The following CDH18 variants were observed in gnomAD, a reference collection of about 807,000 sequenced individuals.
The protein encoded by CDH18 is cadherin-18.
Under a neutral mutation model 67.9 loss-of-function variants are expected in CDH18, and 31 were observed. That is an observed-to-expected ratio of 0.46 (90% CI 0.34 to 0.62). The LOEUF is 0.62. CDH18 is among the 20% of genes least tolerant of loss of function. CDH18 has a pLI of 0.01. For missense variants in CDH18, 890 were observed against 975.5 expected, an observed-to-expected ratio of 0.91 and a Z score of 1.17; for synonymous variants, 362 against 347.2, an observed-to-expected ratio of 1.04 and a Z score of -0.48.
chr5:19,959,262 T>G (rs1579806416), intron 2 of CDH18, among the ~76,000 whole-genome samples: 1 of 152,062 alleles, frequency 6.6e-6, no homozygotes, highest in South Asian at 2.1e-4. Context: ...TAACTGTAGG[T>G]GAGTGTGTGT....
At position 20,292,348 on chromosome 5, in the gene CDH18, C is replaced by T. The variant is rs796699159; in HGVS notation, c.-579-36843G>A. 7.2e-5 allele frequency among the ~76,000 whole-genome samples: 11 copies of T among 152,178 alleles called. No homozygotes were observed. The South Asian group carries it at 2.3e-3, about 32-fold the overall frequency. On this transcript the variant is annotated intron_variant, in intron 1 of 14. Coordinates refer to the CDH18 transcript ENST00000507958. Reference sequence around the variant, plus strand: ...AATTGGATTTGAGGATAGAGAGCTGCTGAAGTAGAGAAATAAAGGAGAGAA... The same window carrying T: ...AATTGGATTTGAGGATAGAGAGCTGTTGAAGTAGAGAAATAAAGGAGAGAA...
chr5:19,960,729 G>A (rs562383022), intron 2 of CDH18, among the ~76,000 whole-genome samples: 18 of 122,030 alleles, frequency 1.5e-4, no homozygotes, highest in Middle Eastern at 4.3e-3. Flanking sequence ...GTGTATATAC[G>A]TATATACGTA....
At chr5:20,167,121 A>G (rs546868483) in intron 2 of CDH18, among the ~76,000 whole-genome samples, 17 of 152,268 alleles carry the variant, frequency 1.1e-4, no homozygotes, top group African/African-American at 3.6e-4. Flanking sequence ...GGCAATCCAT[A>G]TTATATGATT....
intron 2 of CDH18, among the ~76,000 whole-genome samples, chr5:19,997,340 T>C (rs1316730923): frequency 6.6e-6 from 1 of 152,136 alleles, no homozygotes; most frequent in Non-Finnish European, 1.5e-5. Context: ...ACATATCATA[T>C]TTATGATATG....
intron 2 of CDH18, among the ~76,000 whole-genome samples, chr5:20,076,792 A>T (rs1453583375): frequency 6.6e-6 from 1 of 152,210 alleles, no homozygotes; most frequent in African/African-American, 2.4e-5. Context: ...AAAATGTAGG[A>T]TAAAAGTACT....
At chr5:20,506,335 T>A (rs948948689) in intron 1 of CDH18, among the ~76,000 whole-genome samples, 7 of 152,218 alleles carry the variant, frequency 4.6e-5, no homozygotes, top group Admixed American at 2.6e-4. Flanking sequence ...GTGATTAAGC[T>A]ACACAAAGTC....
chr5:19,819,060 T>C (rs1023820266), intron 3 of CDH18, among the ~76,000 whole-genome samples: 1 of 151,920 alleles, frequency 6.6e-6, no homozygotes, highest in African/African-American at 2.4e-5. Flanking sequence ...ATATAAGTAA[T>C]ACATGTATAT....
At chr5:19,662,268 A>T (rs1246660559) in intron 5 of CDH18, among the ~76,000 whole-genome samples, 2 of 151,934 alleles carry the variant, frequency 1.3e-5, no homozygotes, top group African/African-American at 4.8e-5. Flanking sequence ...CATCTTTAGA[A>T]TTTCTCTTGA....
intron 3 of CDH18, among the ~76,000 whole-genome samples, chr5:19,755,683 C>T (rs1771515600): frequency 6.6e-6 from 1 of 150,806 alleles, no homozygotes; most frequent in African/African-American, 2.4e-5. Context: ...CAACATCACA[C>T]AATAAGCTTT....
chr5:19,809,330 TAC>T (rs1343104756), intron 3 of CDH18, among the ~76,000 whole-genome samples: 1 of 152,108 alleles, frequency 6.6e-6, no homozygotes, highest in African/African-American at 2.4e-5. Context: ...ATTTGATTTT[TAC>T]ACCTCCTGAA....
chr5:19,791,633 C>T lies in CDH18; in HGVS notation c.229-44397G>A, dbSNP rs955289513. 7.2e-5 allele frequency among the ~76,000 whole-genome samples: 11 copies of T among 152,242 alleles called. No homozygotes were observed. In the Middle Eastern group the frequency reaches 0.017, roughly 235 times the overall value. ...CAATATCAGTCAAATCCTGTAGCTG[C>T]ACATGACAGAATTTCTGTTTCACAG... On this transcript the variant is annotated intron_variant, in intron 3 of 12. Coordinates refer to ENST00000382275, the MANE Select transcript of CDH18 (RefSeq NM_004934.5).
intron 5 of CDH18, among the ~76,000 whole-genome samples, chr5:19,715,556 C>G (rs1297292098): frequency 6.6e-6 from 1 of 152,104 alleles, no homozygotes; most frequent in Non-Finnish European, 1.5e-5. Flanking sequence ...TATCTCCTTA[C>G]AGATTATCAT....
chr5:20,326,497 G>A (rs926466494), intron 1 of CDH18, among the ~76,000 whole-genome samples: 1 of 151,420 alleles, frequency 6.6e-6, no homozygotes, highest in Non-Finnish European at 1.5e-5. Flanking sequence ...CAAATCATTT[G>A]GCAATGTAGA....
intron 2 of CDH18, among the ~76,000 whole-genome samples, chr5:20,099,728 T>C (rs931994531): frequency 6.6e-6 from 1 of 152,152 alleles, no homozygotes; most frequent in African/African-American, 2.4e-5. Flanking sequence ...ACTGAGTGTG[T>C]CTATTAGACA....
At chr5:20,416,856 A>T (rs369077657) in intron 1 of CDH18, among the ~76,000 whole-genome samples, 1 of 152,118 alleles carries the variant, frequency 6.6e-6, no homozygotes, top group East Asian at 1.9e-4. Context: ...TAATTCCAGG[A>T]TCAGTAAAAA....
chr5:19,704,071 A>G (rs1763637003), intron 5 of CDH18, among the ~76,000 whole-genome samples: 1 of 152,182 alleles, frequency 6.6e-6, no homozygotes, highest in Non-Finnish European at 1.5e-5. Context: ...TCATATGTGG[A>G]AATCAGAAAA....
chr5:20,160,865 C>T (rs1197512388), intron 2 of CDH18, among the ~76,000 whole-genome samples: 1 of 152,184 alleles, frequency 6.6e-6, no homozygotes, highest in Non-Finnish European at 1.5e-5. Context: ...CACCTGTTTG[C>T]CACATTGGTC....
intron 2 of CDH18, among the ~76,000 whole-genome samples, chr5:19,958,060 T>C (rs1796425911): frequency 6.6e-6 from 1 of 151,854 alleles, no homozygotes; most frequent in Admixed American, 6.6e-5. Context: ...TCCTTTGTGT[T>C]TGGGGATGAA....
chr5:20,337,426 C>A (rs576591393), intron 1 of CDH18, among the ~76,000 whole-genome samples: 1 of 152,146 alleles, frequency 6.6e-6, no homozygotes, highest in Non-Finnish European at 1.5e-5. Flanking sequence ...TGCTTTGCTG[C>A]GTAGGGTATT....
Sources: gnomAD v4.1 joint callset for allele counts (sites outside exome capture counted in the v4.1 genomes callset) on GRCh38, gnomAD v4.1.1 for gene constraint, MANE v1.5 for transcripts, NCBI Gene and HGNC (gene_info 2026-07-23, HGNC 2026-07-21) for gene names.